COL15A1: variants seen among roughly 807,000 people sequenced by gnomAD.
COL15A1 encodes collagen type XV alpha 1 chain.
A neutral mutation model predicts 165.9 loss-of-function variants in COL15A1; 111 were observed. The ratio of observed to expected loss-of-function variants is 0.67; its 90% CI spans 0.57 to 0.78. The LOEUF is 0.78. Ranked by LOEUF, COL15A1 falls within the 30% of genes least tolerant of loss-of-function variation. The pLI is 0.00. For missense variants in COL15A1, 1,745 were observed against 1,789.7 expected (o/e 0.98, Z 0.45); for synonymous variants, 659 against 674.8 (o/e 0.98, Z 0.36).
chr9:99,048,699 C>A (rs1254799581), intron 28 of COL15A1, among the ~76,000 whole-genome samples: 1 of 122,596 alleles, frequency 8.2e-6, no homozygotes, highest in Non-Finnish European at 1.7e-5. Flanking sequence ...CCCCTCCCCC[C>A]ACCCCACAAC....
chr9:98,991,730 A>G (rs1282979510), intron 5 of COL15A1, among the ~76,000 whole-genome samples: 1 of 151,984 alleles, frequency 6.6e-6, no homozygotes, highest in Non-Finnish European at 1.5e-5. Flanking sequence ...GACACAGAGA[A>G]CTAATTGGTG....
intron 35 of COL15A1, among the ~76,000 whole-genome samples, chr9:99,057,499 A>G (rs918527963): frequency 4.6e-5 from 7 of 152,222 alleles, no homozygotes; most frequent in Non-Finnish European, 8.8e-5. Flanking sequence ...ATGAGCATGT[A>G]TCAGATGCCA....
At chr9:99,056,481 T>C in intron 35 of COL15A1, 77 bp downstream of exon 35, 1 of 1,506,148 alleles carries the variant, frequency 6.6e-7, no homozygotes, top group Non-Finnish European at 8.8e-7. Flanking sequence ...GGGTGGCTTG[T>C]CACAGCTGCA....
chr9:99,010,751 T>C (rs769767519), intron 9 of COL15A1, among the ~76,000 whole-genome samples: 1 of 152,256 alleles, frequency 6.6e-6, no homozygotes, highest in Non-Finnish European at 1.5e-5. Context: ...GAAAGTTATA[T>C]GGACGTAATA....
chr9:99,021,307 G>A (rs796976097), intron 12 of COL15A1, among the ~76,000 whole-genome samples: 18 of 152,272 alleles, frequency 1.2e-4, no homozygotes, highest in African/African-American at 3.8e-4. Flanking sequence ...TGGGGAGGGC[G>A]GTGTCCTCAC....
intron 6 of COL15A1, among the ~76,000 whole-genome samples, chr9:98,998,684 C>G (rs1259189262): frequency 6.6e-6 from 1 of 152,156 alleles, no homozygotes; most frequent in Admixed American, 6.5e-5. Context: ...ATTAGGATCT[C>G]TCAGCAAGGG....
chr9:98,989,134 C>G, intron 4 of COL15A1, 44 bp from the exon 5 acceptor site: 1 of 1,511,370 alleles, frequency 6.6e-7, no homozygotes, highest in South Asian at 1.1e-5. Context: ...CTTATGGGCC[C>G]TGCCCGCTCT....
chr9:99,014,462 C>G (rs1588515583), intron 9 of COL15A1, among the ~76,000 whole-genome samples: 1 of 152,272 alleles, frequency 6.6e-6, no homozygotes. Context: ...TTTGGGAGAT[C>G]AGGGATTCTC....
At chr9:98,987,466 C>T in intron 4 of COL15A1, 98 bp downstream of exon 4, 1 of 1,200,496 alleles carries the variant, frequency 8.3e-7, no homozygotes, top group Non-Finnish European at 1.2e-6. Context: ...GTTTCTGAAA[C>T]CTCTCATTTT....
chr9:98,976,790 G>A (rs1472300536), intron 2 of COL15A1, among the ~76,000 whole-genome samples: 1 of 152,138 alleles, frequency 6.6e-6, no homozygotes, highest in African/African-American at 2.4e-5. Flanking sequence ...AAGATGGTAG[G>A]GTCCAACACC....
At chr9:99,020,298 C>A in intron 11 of COL15A1, 91 bp from the exon 12 acceptor site, 1 of 937,382 alleles carries the variant, frequency 1.1e-6, no homozygotes, top group Non-Finnish European at 1.8e-6. Flanking sequence ...GCCCAGCTCA[C>A]TGACCAGGAC....
chr9:99,014,454 T>G (rs1838896721), intron 9 of COL15A1, among the ~76,000 whole-genome samples: 1 of 152,196 alleles, frequency 6.6e-6, no homozygotes, highest in South Asian at 2.1e-4. Flanking sequence ...GACCAAATTT[T>G]GGGAGATCAG....
At chr9:99,034,497 C>G in intron 16 of COL15A1, 52 bp from the exon 17 acceptor site, 2 of 1,555,186 alleles carry the variant, frequency 1.3e-6, no homozygotes, top group Non-Finnish European at 1.7e-6. Flanking sequence ...TCAGAACACA[C>G]CTCATGACAT....
At chr9:99,000,147 G>T (rs1019963187) in intron 6 of COL15A1, among the ~76,000 whole-genome samples, 4 of 152,104 alleles carry the variant, frequency 2.6e-5, no homozygotes, top group Admixed American at 2.6e-4. Context: ...CTGGGATTCC[G>T]GGCTGCTTTT....
chr9:99,056,252 C>T lies in COL15A1; in HGVS notation c.3193-8C>T. 6.2e-7 allele frequency: 1 copy of T among 1,614,098 alleles called. No homozygotes were observed. The highest frequency in any genetic ancestry group is 8.5e-7 in the Non-Finnish European group (1 of 1,179,924). On this transcript the variant is annotated splice_polypyrimidine_tract_variant and splice_region_variant and intron_variant, in intron 34 of 41. Coordinates refer to ENST00000375001, the MANE Select transcript of COL15A1 (RefSeq NM_001855.5). ...TTTCTCTCTGTTATTGTGTGCTTGC[C>T]TTGACAGGGCCAAAAAGGGGAGACA...
At chr9:98,966,168 G>T (rs1473226926) in intron 2 of COL15A1, among the ~76,000 whole-genome samples, 9 of 152,198 alleles carry the variant, frequency 5.9e-5, no homozygotes, top group African/African-American at 1.9e-4. Flanking sequence ...CTGCCTTGAG[G>T]CCTGTGGATA....
chr9:99,009,169 C>T (rs1838808772), intron 9 of COL15A1, among the ~76,000 whole-genome samples: 1 of 149,826 alleles, frequency 6.7e-6, no homozygotes, highest in Admixed American at 6.6e-5. Context: ...GAGTCCTATG[C>T]CGATTATAAA....
intron 2 of COL15A1, among the ~76,000 whole-genome samples, chr9:98,964,457 G>A (rs1315845104): frequency 1.3e-5 from 2 of 152,212 alleles, no homozygotes; most frequent in Admixed American, 6.5e-5. Context: ...TGGGGCTCCA[G>A]CATCCCACAG....
intron 16 of COL15A1, among the ~76,000 whole-genome samples, chr9:99,033,793 A>G (rs1252883880): frequency 6.6e-6 from 1 of 152,110 alleles, no homozygotes. Context: ...TGCTGACTTC[A>G]TCTCTTGCAG....
Sources: gnomAD v4.1 joint callset for allele counts (sites outside exome capture counted in the v4.1 genomes callset) on GRCh38, gnomAD v4.1.1 for gene constraint, MANE v1.5 for transcripts, NCBI Gene and HGNC (gene_info 2026-07-23, HGNC 2026-07-21) for gene names.